The following PTPRD variants were observed in gnomAD, a reference collection of about 807,000 sequenced individuals.
The protein encoded by PTPRD is protein tyrosine phosphatase receptor type D.
In PTPRD, 34 loss-of-function variants were observed where a neutral mutation model predicts 214.5. That is an observed-to-expected ratio of 0.16 (90% CI 0.12 to 0.21). The LOEUF is 0.21. Among genes scored for constraint, PTPRD ranks in the 10% least tolerant of loss-of-function variants. The probability of loss-of-function intolerance (pLI) is 1.00; values close to 1 mark genes in which losing one functional copy is unlikely to be tolerated. For synonymous variants in PTPRD, 1,128 were observed against 845.7 expected, an observed-to-expected ratio of 1.33 and a Z score of -5.79; for missense variants, 2,545 against 2,398.7, an observed-to-expected ratio of 1.06 and a Z score of -1.27.
chr9:8,752,621 C>G (rs2093637117), intron 11 of PTPRD, among the ~76,000 whole-genome samples: 3 of 152,264 alleles, frequency 2.0e-5, no homozygotes, highest in Admixed American at 2.0e-4. Context: ...ATCGGGACCC[C>G]TTTCCTGTAA....
Position 10,482,236 on chromosome 9 carries a change from T to C in PTPRD, c.-600+130162A>G, listed in dbSNP as rs180787201. ...AATACAAAAAATTAGCCGGGCGTGG[T>C]GGCGGGTGCCTGTAGTCCCAGCTAC... On this transcript the variant is annotated intron_variant, in intron 2 of 45. Coordinates refer to ENST00000381196, the MANE Select transcript of PTPRD (RefSeq NM_002839.4). Among the ~76,000 whole-genome samples, 292 of 151,898 alleles carry C rather than the reference T, an allele frequency of 1.9e-3. 2 individuals carry two copies. The highest frequency in any genetic ancestry group is 6.7e-3 in the African/African-American group (276 of 41,492).
intron 11 of PTPRD, chr9:8,860,259 T>C (rs2098076592): frequency 6.6e-6 from 1 of 152,234 alleles, no homozygotes; most frequent in Admixed American, 6.5e-5. Context: ...ATCTGACTGC[T>C]ATCTGGGAAC....
chr9:9,285,934 C>T (rs1304609487), intron 9 of PTPRD, among the ~76,000 whole-genome samples: 1 of 151,764 alleles, frequency 6.6e-6, no homozygotes, highest in Admixed American at 6.6e-5. Context: ...TCCACAAGTA[C>T]ATTTTAAATT....
At chr9:8,623,888 A>C (rs1467730790) in intron 14 of PTPRD, among the ~76,000 whole-genome samples, 2 of 151,678 alleles carry the variant, frequency 1.3e-5, no homozygotes, top group African/African-American at 2.4e-5. Context: ...AGAAATAATC[A>C]AAAAAACAAA....
At chr9:9,229,693 T>C (rs1386117633) in intron 9 of PTPRD, among the ~76,000 whole-genome samples, 1 of 152,052 alleles carries the variant, frequency 6.6e-6, no homozygotes, top group Non-Finnish European at 1.5e-5. Context: ...AAAGCTGGGC[T>C]GACAAAAAAA....
intron 8 of PTPRD, among the ~76,000 whole-genome samples, chr9:9,515,123 A>AATTAATAAG (rs2096802842): frequency 6.6e-6 from 1 of 152,072 alleles, no homozygotes; most frequent in African/African-American, 2.4e-5. Context: ...AGTAAGTCTC[A>AATTAATAAG]ATTAATAAGC....
chr9:9,991,486 C>G (rs562528224), intron 4 of PTPRD, among the ~76,000 whole-genome samples: 3 of 151,804 alleles, frequency 2.0e-5, no homozygotes, highest in Non-Finnish European at 2.9e-5. Context: ...CTCAGCCTCC[C>G]GAGTAGCTGG....
At chr9:10,279,714 A>G (rs1411345613) in intron 3 of PTPRD, among the ~76,000 whole-genome samples, 13 of 151,948 alleles carry the variant, frequency 8.6e-5, no homozygotes. Flanking sequence ...AACAGAAAAA[A>G]AAAAAAAAGC....
At chr9:9,451,174 A>G (rs546835219) in intron 8 of PTPRD, among the ~76,000 whole-genome samples, 1 of 151,876 alleles carries the variant, frequency 6.6e-6, no homozygotes, top group African/African-American at 2.4e-5. Flanking sequence ...AAGGTGCAAT[A>G]CACAGAAGGA....
At chr9:9,188,901 A>T (rs2099933364) in intron 9 of PTPRD, among the ~76,000 whole-genome samples, 1 of 151,884 alleles carries the variant, frequency 6.6e-6, no homozygotes, top group Non-Finnish European at 1.5e-5. Flanking sequence ...CCAACACATA[A>T]AGTGGAAAGA....
At chr9:8,861,494 G>C (rs779899742) in intron 11 of PTPRD, 3 of 151,924 alleles carry the variant, frequency 2.0e-5, no homozygotes, top group Non-Finnish European at 4.4e-5. Flanking sequence ...TAAAAGTTTG[G>C]AAGCACTGCC....
chr9:8,833,112 G>A (rs1403616629), intron 11 of PTPRD, among the ~76,000 whole-genome samples: 1 of 152,104 alleles, frequency 6.6e-6, no homozygotes, highest in Non-Finnish European at 1.5e-5. Flanking sequence ...ACAGGCCACA[G>A]CAACAGTGCT....
chr9:9,956,112 T>A, intron 4 of PTPRD, among the ~76,000 whole-genome samples: 1 of 152,130 alleles, frequency 6.6e-6, no homozygotes, highest in East Asian at 1.9e-4. Flanking sequence ...TTTAGAAATG[T>A]CCAATCTAAT....
intron 9 of PTPRD, among the ~76,000 whole-genome samples, chr9:9,202,249 A>G (rs927265306): frequency 6.6e-6 from 1 of 152,190 alleles, no homozygotes; most frequent in Non-Finnish European, 1.5e-5. Context: ...CACAAATCTT[A>G]TTGTCAGATC....
At chr9:9,611,013 A>C (rs1434075673) in intron 7 of PTPRD, among the ~76,000 whole-genome samples, 4 of 152,224 alleles carry the variant, frequency 2.6e-5, no homozygotes, top group Non-Finnish European at 5.9e-5. Flanking sequence ...TTTCAAAATT[A>C]GTCTTCTATT....
intron 11 of PTPRD, among the ~76,000 whole-genome samples, chr9:8,739,220 T>C (rs900774306): frequency 2.0e-5 from 3 of 152,196 alleles, no homozygotes; most frequent in Non-Finnish European, 4.4e-5. Context: ...AGGCCCTCAG[T>C]GTCCAGCTAC....
chr9:10,336,959 G>A (rs2096855004), intron 3 of PTPRD, among the ~76,000 whole-genome samples: 1 of 151,626 alleles, frequency 6.6e-6, no homozygotes, highest in Non-Finnish European at 1.5e-5. Context: ...TCTGAATGGA[G>A]AATATCCATT....
chr9:10,132,766 A>G (rs2098906375), intron 3 of PTPRD, among the ~76,000 whole-genome samples: 1 of 152,198 alleles, frequency 6.6e-6, no homozygotes, highest in Non-Finnish European at 1.5e-5. Context: ...TAACCTTAGA[A>G]TGAGGTAAAT....
chr9:9,363,896 A>G (rs1165919670), intron 9 of PTPRD, among the ~76,000 whole-genome samples: 1 of 151,382 alleles, frequency 6.6e-6, no homozygotes, highest in Non-Finnish European at 1.5e-5. Context: ...AGTTTTAAGC[A>G]TTTTTCCATC....
Sources: gnomAD v4.1 joint callset for allele counts (sites outside exome capture counted in the v4.1 genomes callset) on GRCh38, gnomAD v4.1.1 for gene constraint, MANE v1.5 for transcripts, NCBI Gene and HGNC (gene_info 2026-07-23, HGNC 2026-07-21) for gene names.